The following UGGT2 variants were observed in gnomAD, a reference collection of about 807,000 sequenced individuals.
UGGT2 encodes the protein UDP-glucose glycoprotein glucosyltransferase 2, also known as UDP-glucose:glycoprotein glucosyltransferase 2.
UGGT2 carries 180 observed loss-of-function variants against 192.1 expected under a neutral mutation model. That is an observed-to-expected ratio of 0.94 (90% CI 0.83 to 1.06). UGGT2 has a LOEUF of 1.06. UGGT2 is among the 50% of genes least tolerant of loss of function. UGGT2 has a pLI of 0.00. For missense variants in UGGT2, 1,849 were observed against 1,795.7 expected (o/e 1.03, Z -0.54); for synonymous variants, 580 against 591.0 (o/e 0.98, Z 0.27).
chr13:96,050,709 C>T (rs928324771), intron 1 of UGGT2, among the ~76,000 whole-genome samples: 3 of 152,224 alleles, frequency 2.0e-5, no homozygotes, highest in Non-Finnish European at 4.4e-5. Flanking sequence ...GACATTTATG[C>T]AACCAACAGA....
chr13:95,998,671 A>G (rs552963385), intron 6 of UGGT2, among the ~76,000 whole-genome samples: 5 of 152,302 alleles, frequency 3.3e-5, no homozygotes, highest in African/African-American at 1.2e-4. Context: ...CTCTTCATCT[A>G]GAGTATGCAT....
At chr13:96,011,800 C>A (rs1233244559) in intron 5 of UGGT2, among the ~76,000 whole-genome samples, 1 of 151,984 alleles carries the variant, frequency 6.6e-6, no homozygotes, top group Non-Finnish European at 1.5e-5. Flanking sequence ...ACAGATGATA[C>A]TTTTCAAAAA....
chr13:95,890,216 T>A (rs183826431), intron 25 of UGGT2, among the ~76,000 whole-genome samples: 57 of 152,300 alleles, frequency 3.7e-4, no homozygotes, highest in African/African-American at 1.3e-3. Context: ...CAATTAAGCT[T>A]AAGCTTCAGC....
intron 36 of UGGT2, among the ~76,000 whole-genome samples, chr13:95,842,434 T>A (rs1566575211): frequency 6.6e-6 from 1 of 152,210 alleles, no homozygotes; most frequent in Admixed American, 6.5e-5. Context: ...TTGAGTAGTA[T>A]TACATTCTAT....
chr13:96,029,825 T>TA (rs1391268429), intron 2 of UGGT2, among the ~76,000 whole-genome samples: 2 of 152,106 alleles, frequency 1.3e-5, no homozygotes, highest in Non-Finnish European at 2.9e-5. Context: ...GCGTCTCCAA[T>TA]AAAAAATAGC....
Position 95,947,023 on chromosome 13 carries a change from GTGC to G in UGGT2, c.1677+11_1677+13del, listed in dbSNP as rs1352036464. The stretch of plus-strand genomic sequence containing the variant: ...TTACCTTCTAAACAAATCACATTTA[GTGC>G]ATAAACTCACGTGTACTATAGAAAT... On this transcript the variant is annotated intron_variant, in intron 15 of 38. Coordinates refer to ENST00000376747, the MANE Select transcript of UGGT2 (RefSeq NM_020121.4). 6 of 1,559,704 alleles carry G rather than the reference GTGC, an allele frequency of 3.8e-6. 1 individual carries two copies. Among genetic ancestry groups the G allele is most frequent in the Non-Finnish European group, 8.6e-7 (1 of 1,157,828 alleles).
chr13:95,904,919 A>C (rs915944607), intron 20 of UGGT2, among the ~76,000 whole-genome samples: 1 of 151,478 alleles, frequency 6.6e-6, no homozygotes, highest in African/African-American at 2.4e-5. Flanking sequence ...CCAACAGTGT[A>C]AAAGTGTTCC....
chr13:95,988,588 T>C (rs1013984000), intron 8 of UGGT2, among the ~76,000 whole-genome samples: 6 of 152,148 alleles, frequency 3.9e-5, no homozygotes, highest in African/African-American at 1.2e-4. Context: ...AAATCTATCA[T>C]AACAATGGCC....
chr13:95,955,752 A>C (rs537720567), intron 12 of UGGT2, among the ~76,000 whole-genome samples: 1 of 152,298 alleles, frequency 6.6e-6, no homozygotes, highest in African/African-American at 2.4e-5. Context: ...GGGCTGCTGC[A>C]TATTATTGTT....
intron 34 of UGGT2, among the ~76,000 whole-genome samples, chr13:95,854,700 T>C (rs1376787370): frequency 6.6e-6 from 1 of 152,176 alleles, no homozygotes; most frequent in Non-Finnish European, 1.5e-5. Context: ...AAGACAGTGG[T>C]CTTACTCACC....
At chr13:95,974,145 T>G (rs1443331015) in intron 10 of UGGT2, among the ~76,000 whole-genome samples, 2 of 152,212 alleles carry the variant, frequency 1.3e-5, no homozygotes, top group Non-Finnish European at 2.9e-5. Flanking sequence ...GGAGAAGAAC[T>G]TAAAGTATTT....
At chr13:95,976,920 G>A (rs549550272) in intron 10 of UGGT2, among the ~76,000 whole-genome samples, 19 of 152,182 alleles carry the variant, frequency 1.2e-4, no homozygotes, top group Non-Finnish European at 2.4e-4. Context: ...TCTGATCTTC[G>A]ACAAACCTGA....
At chr13:96,034,831 T>C (rs1389617836) in intron 1 of UGGT2, among the ~76,000 whole-genome samples, 1 of 152,216 alleles carries the variant, frequency 6.6e-6, no homozygotes, top group Non-Finnish European at 1.5e-5. Flanking sequence ...CCGGACCCTG[T>C]GCTTGCTCAC....
intron 6 of UGGT2, among the ~76,000 whole-genome samples, chr13:95,997,126 A>G (rs1365093871): frequency 2.6e-5 from 4 of 152,180 alleles, no homozygotes; most frequent in Admixed American, 1.3e-4. Context: ...TGATCTAGTC[A>G]TCCTTTTCCT....
chr13:95,953,377 A>G (rs1213304762), intron 12 of UGGT2, among the ~76,000 whole-genome samples: 2 of 152,224 alleles, frequency 1.3e-5, no homozygotes, highest in Admixed American at 6.5e-5. Flanking sequence ...GATGCTGACA[A>G]GGGGACAGTC....
rs1884073471 is a variant in UGGT2, at chr13:95,801,875, A to G, written c.4529-63T>C. The G allele has an allele frequency of 5.1e-5, 81 of 1,589,102 alleles. No homozygotes were observed. In the South Asian group the frequency reaches 8.2e-4, roughly 16 times the overall value. On this transcript the variant is annotated intron_variant, in intron 38 of 38. Coordinates refer to ENST00000376747, the MANE Select transcript of UGGT2 (RefSeq NM_020121.4). ...TAAACATAAAAATATCTTAAATATTACTTACATATGATGAGGAAGCACCGG... is the reference window on the plus strand; with the variant it reads ...TAAACATAAAAATATCTTAAATATTGCTTACATATGATGAGGAAGCACCGG...
chr13:95,987,294 T>A (rs1283930631), intron 8 of UGGT2, among the ~76,000 whole-genome samples: 2 of 152,176 alleles, frequency 1.3e-5, no homozygotes. Flanking sequence ...TTTCACCTTC[T>A]AAATATTTAT....
chr13:95,890,959 A>G lies in UGGT2; in HGVS notation c.2861T>C (p.Ile954Thr), dbSNP rs1310746337. 6.9e-6 allele frequency: 11 copies of G among 1,604,414 alleles called. No homozygotes were observed. Among genetic ancestry groups the G allele is most frequent in the African/African-American group, 2.7e-5 (2 of 74,598 alleles). The change falls in exon 25 of 39, where the codon ATA becomes ACA. Residue 954 changes from isoleucine to threonine, a missense_variant. Ile to Thr is a moderately conservative substitution (Grantham distance 89, BLOSUM62 -1). Transcript: ENST00000376747. ...ATCATTCTCTTGAGGATTCGTCTTT[A>G]TAACACTAAGAAAATAGAAAATAAG... is the stretch of plus-strand genomic sequence containing the variant. ...VTFLRENHSV[I>T]KTNPQENDMF...
chr13:95,925,593 G>T, intron 20 of UGGT2, 87 bp downstream of exon 20: 1 of 873,408 alleles, frequency 1.1e-6, no homozygotes. Context: ...TAACATGGAG[G>T]GGAAAATATT....
Sources: allele counts gnomAD v4.1 joint callset (sites outside exome capture counted in the v4.1 genomes callset), GRCh38; gene constraint gnomAD v4.1.1; transcripts MANE v1.5; gene names NCBI Gene and HGNC (gene_info 2026-07-23, HGNC 2026-07-21).